Variants in CD6 observed in about 807,000 individuals in gnomAD.
CD6 encodes CD6 molecule.
CD6 carries 53 observed loss-of-function variants against 75.3 expected under a neutral mutation model. The ratio of observed to expected loss-of-function variants is 0.70; its 90% CI spans 0.56 to 0.88. CD6 has a LOEUF of 0.88. Ranked by LOEUF, CD6 falls within the 40% of genes least tolerant of loss-of-function variation. The pLI, the probability that CD6 is intolerant of heterozygous loss-of-function variation, is 0.00. For synonymous variants in CD6, 359 were observed against 381.5 expected (o/e 0.94, Z 0.69); for missense variants, 770 against 897.1 (o/e 0.86, Z 1.81).
In CD6 at chr11:61,011,178, C is replaced by CAT. The variant is rs3220042; in HGVS notation, c.1150+43_1150+44insAT. 8.9e-6 allele frequency: 8 copies of CAT among 898,762 alleles called. 1 individual carries two copies. The African/African-American group carries it at 1.0e-4, about 12-fold the overall frequency. 55.7% of individuals were successfully genotyped at this position (898,762 alleles called of 1,614,324 possible). ...CTACGCGGTTTCTCAGAAGCTTGGA[C>CAT]GTGTGTGTGTGTGTGTGTGTGTGTG... is the stretch of plus-strand genomic sequence containing the variant. On this transcript the variant is annotated intron_variant, in intron 6 of 12. Coordinates refer to ENST00000313421, the MANE Select transcript of CD6 (RefSeq NM_006725.5).
intron 2 of CD6, 70 bp downstream of exon 2, chr11:61,006,712 G>A (rs942150804): frequency 3.1e-6 from 4 of 1,304,054 alleles, no homozygotes; most frequent in Middle Eastern, 1.8e-4. Flanking sequence ...TAATAAAGAA[G>A]GGAAATGGAC....
At chr11:61,019,117 GGAAGCAA>G in intron 12 of CD6, 130 bp from the exon 13 acceptor site, 1 of 631,210 alleles carries the variant, frequency 1.6e-6, no homozygotes, top group Non-Finnish European at 2.8e-6. Context: ...GGACATGGCC[GGAAGCAA>G]GATGATCAGA....
intron 1 of CD6, among the ~76,000 whole-genome samples, chr11:61,000,264 G>C (rs777771924): frequency 2.2e-4 from 33 of 151,938 alleles, no homozygotes; most frequent in Non-Finnish European, 4.4e-4. Context: ...AGCTTGGTTT[G>C]CTGTTGTTGT....
chr11:61,001,395 G>A (rs1490936298), intron 1 of CD6, among the ~76,000 whole-genome samples: 2 of 151,956 alleles, frequency 1.3e-5, no homozygotes, highest in African/African-American at 4.8e-5. Flanking sequence ...TAGAGACAGG[G>A]TTTCACCATA....
chr11:60,988,098 G>C (rs1163646008), intron 1 of CD6: 1 of 152,264 alleles, frequency 6.6e-6, no homozygotes. Context: ...GATCAGATTA[G>C]AGAGACTGGA....
intron 1 of CD6, among the ~76,000 whole-genome samples, chr11:60,978,910 A>G (rs893184798): frequency 6.6e-6 from 1 of 152,240 alleles, no homozygotes; most frequent in Non-Finnish European, 1.5e-5. Context: ...GTGCTCAGAA[A>G]TGTTAGCTTA....
In CD6 at chr11:61,007,732, C is replaced by G; in HGVS notation, c.291C>G (p.Leu97=). The change falls in exon 3 of 13, where the codon CTC becomes CTG. Residue 97 remains leucine, a synonymous_variant. Transcript: ENST00000313421. The surrounding 1 kb of genome is among the most constrained non-coding windows in gnomAD (Gnocchi z 4.2). The part of the protein sequence containing the change: ...GCGGAEAASQ[L]APPTPELPPP... ...GCGGGGCGGAGGCCGCCTCTCAGCT[C>G]GCCCCGCCGACCCCTGAGCTGCCGC... The G allele has an allele frequency of 2.8e-6, 4 of 1,406,476 alleles. No individual in the cohort carries two copies. The highest frequency in any genetic ancestry group is 3.7e-6 in the Non-Finnish European group (4 of 1,079,808). The allele number at this position is 1,406,476 out of a possible 1,614,324, so 87.1% of individuals were successfully genotyped here.
intron 1 of CD6, among the ~76,000 whole-genome samples, chr11:60,976,768 C>A (rs1857379614): frequency 6.6e-6 from 1 of 152,180 alleles, no homozygotes; most frequent in African/African-American, 2.4e-5. Context: ...TCTAACTGGG[C>A]TGGCTCCTTG....
Position 61,017,460 on chromosome 11 carries a change from C to T in CD6, c.1511-19C>T, listed in dbSNP as rs1400509302. ...GAGGTTGAGCCTTCACCCCTCCCCACCACCGCCTCTGCTTGCAGATTCCCA... is the reference window on the plus strand; with the variant it reads ...GAGGTTGAGCCTTCACCCCTCCCCATCACCGCCTCTGCTTGCAGATTCCCA... On this transcript the variant is annotated intron_variant, in intron 9 of 12. Transcript: ENST00000313421. 3 of 1,545,512 alleles carry T rather than the reference C, an allele frequency of 1.9e-6. No homozygotes were observed. Among genetic ancestry groups the T allele is most frequent in the Admixed American group, 2.0e-5 (1 of 50,964 alleles).
Position 61,018,398 on chromosome 11 carries a change from C to A in CD6, c.1942+5C>A. On this transcript the variant is annotated splice_donor_5th_base_variant and intron_variant, in intron 12 of 12. Transcript: ENST00000313421. ...AGGAGCAGTTTGGCTGTCCAGGTGC[C>A]AATATCTGGGGAAGGGATGTGGGAG... 1 of 1,579,944 alleles carries A rather than the reference C, an allele frequency of 6.3e-7. No individual in the cohort carries two copies. Among genetic ancestry groups the A allele is most frequent in the Non-Finnish European group, 8.6e-7 (1 of 1,161,568 alleles).
chr11:60,975,895 T>C (rs530007453), intron 1 of CD6, among the ~76,000 whole-genome samples: 16 of 152,344 alleles, frequency 1.1e-4, no homozygotes, highest in African/African-American at 3.8e-4. Flanking sequence ...GCTTTTGATA[T>C]TCTAAGCACA....
chr11:61,012,778 C>G (rs976528698), intron 6 of CD6, among the ~76,000 whole-genome samples: 13 of 152,138 alleles, frequency 8.5e-5, no homozygotes, highest in African/African-American at 2.9e-4. Context: ...GACCCTGAAT[C>G]CCAGACCCCA....
intron 1 of CD6, among the ~76,000 whole-genome samples, chr11:60,980,267 T>C (rs1857510721): frequency 6.6e-6 from 1 of 152,146 alleles, no homozygotes; most frequent in Non-Finnish European, 1.5e-5. Context: ...ACACCTGTAA[T>C]TCAGCACGTT....
rs756343856 is a variant in CD6, at chr11:61,017,903, C to T, written c.1727C>T (p.Pro576Leu). The change falls in exon 11 of 13, where the codon CCC (proline) becomes CTC (leucine). Residue 576 changes from proline to leucine, a missense_variant. Coordinates refer to ENST00000313421, the MANE Select transcript of CD6 (RefSeq NM_006725.5). ...TCAGGGGAGGATTACTGCAATAGTC[C>T]CAAAAGCAAGCTGCCTCCATGGAAC... ...TSSGEDYCNS[P>L]KSKLPPWNPQ... The T allele has an allele frequency of 1.9e-6, 3 of 1,614,030 alleles. No homozygotes were observed. The South Asian group carries it at 3.3e-5, about 18-fold the overall frequency.
chr11:60,994,993 T>A (rs550222915), intron 1 of CD6, among the ~76,000 whole-genome samples: 1 of 152,306 alleles, frequency 6.6e-6, no homozygotes, highest in Non-Finnish European at 1.5e-5. Context: ...TGTGACAGCT[T>A]CAGTTTCTTG....
At chr11:60,976,771 G>C (rs79819793) in intron 1 of CD6, among the ~76,000 whole-genome samples, 5,382 of 152,212 alleles carry the variant, frequency 0.035, 104 homozygotes, top group South Asian at 0.059. Flanking sequence ...AACTGGGCTG[G>C]CTCCTTGACC....
intron 1 of CD6, among the ~76,000 whole-genome samples, chr11:60,980,327 A>AG (rs1554990331): frequency 6.6e-6 from 1 of 151,688 alleles, no homozygotes; most frequent in Admixed American, 6.6e-5. Flanking sequence ...ACATAGTGTG[A>AG]CCCCCACGTT....
At chr11:60,981,678 G>A (rs1022645910) in intron 1 of CD6, among the ~76,000 whole-genome samples, 6 of 152,184 alleles carry the variant, frequency 3.9e-5, no homozygotes, top group African/African-American at 9.7e-5. Flanking sequence ...GACTGGGACC[G>A]GGCAGGCGCT....
rs1857987419 is a variant in CD6 at position 60,989,774 on chromosome 11, C to T, written c.50-16800C>T. Among the ~76,000 whole-genome samples the T allele has an allele frequency of 2.0e-5, 3 of 152,194 alleles. No homozygotes were observed. In the South Asian group the frequency reaches 6.2e-4, roughly 32 times the overall value. The stretch of plus-strand genomic sequence containing the variant: ...AAATCCCTGCTCTGCCTCTTAGGGG[C>T]TCTATTGTCCCAGAAAGTTCCTTGT... On this transcript the variant is annotated intron_variant, in intron 1 of 12. Transcript: ENST00000313421.
Sources: gnomAD v4.1 joint callset for allele counts (sites outside exome capture counted in the v4.1 genomes callset) on GRCh38, gnomAD v4.1.1 for gene constraint, Gnocchi (gnomAD v3.1) non-coding constraint, MANE v1.5 for transcripts, NCBI Gene and HGNC (gene_info 2026-07-23, HGNC 2026-07-21) for gene names.